The following DENND2B variants were observed in gnomAD, a reference collection of about 807,000 sequenced individuals.
DENND2B encodes DENN domain-containing protein 2B.
DENND2B carries 32 observed loss-of-function variants against 116.0 expected under a neutral mutation model. The observed-to-expected ratio is 0.28, with a 90% CI of 0.21 to 0.37. The LOEUF (loss-of-function observed/expected upper bound fraction) is 0.37. Ranked by LOEUF, DENND2B falls within the 10% of genes least tolerant of loss-of-function variation. The pLI is 1.00. For synonymous variants in DENND2B, 588 were observed against 583.9 expected (o/e 1.01, Z -0.10); for missense variants, 1,276 against 1,477.7 (o/e 0.86, Z 2.24).
intron 2 of DENND2B, among the ~76,000 whole-genome samples, chr11:8,740,258 T>C (rs1260667439): frequency 1.3e-5 from 2 of 150,970 alleles, no homozygotes; most frequent in Non-Finnish European, 2.9e-5. Flanking sequence ...CGCATGCACA[T>C]AGACAGAAAG....
At chr11:8,763,982 G>A (rs1475129283) in intron 1 of DENND2B, among the ~76,000 whole-genome samples, 1 of 152,186 alleles carries the variant, frequency 6.6e-6, no homozygotes, top group Non-Finnish European at 1.5e-5. Context: ...CCAGCACTTT[G>A]GGAGGCCGAG....
At position 8,698,857 on chromosome 11, in the gene DENND2B, T is replaced by C. The variant is rs1160333867; in HGVS notation, c.2940+76A>G. 9 of 1,535,514 alleles carry C rather than the reference T, an allele frequency of 5.9e-6. No individual in the cohort carries two copies. In the Admixed American group the frequency reaches 6.7e-5, roughly 11 times the overall value. On this transcript the variant is annotated intron_variant, in intron 16 of 19. Coordinates refer to ENST00000313726, the MANE Select transcript of DENND2B (RefSeq NM_213618.2). ...CCAGAGAGAGAGCTCAACAAACAGG[T>C]TGTGAAGGTTGAGTAGTGTGTGTGA...
chr11:8,737,037 T>C (rs2049179595), intron 2 of DENND2B, among the ~76,000 whole-genome samples: 1 of 152,198 alleles, frequency 6.6e-6, no homozygotes, highest in South Asian at 2.1e-4. Context: ...GAGACGGATC[T>C]ACTTTGAGGG....
intron 4 of DENND2B, among the ~76,000 whole-genome samples, chr11:8,724,145 A>T (rs1436179438): frequency 1.3e-5 from 2 of 152,078 alleles, no homozygotes; most frequent in South Asian, 2.1e-4. Context: ...AATACAAAAA[A>T]ATTAGCCAGG....
At chr11:8,845,517 C>CAG (rs1285181914) in intron 3 of DENND2B, among the ~76,000 whole-genome samples, 2 of 152,214 alleles carry the variant, frequency 1.3e-5, no homozygotes, top group Non-Finnish European at 2.9e-5. Context: ...AAAGGATTTG[C>CAG]TACTCACAGT....
At chr11:8,812,741 C>G (rs2061435470), upstream of DENND2B, among the ~76,000 whole-genome samples, 1 of 152,172 alleles carries the variant, frequency 6.6e-6, no homozygotes, top group Non-Finnish European at 1.5e-5. Context: ...TGGGACTGAG[C>G]ATCGGAAGAG....
At position 8,878,836 on chromosome 11, in the gene DENND2B, C is replaced by A. The variant is rs372576411; in HGVS notation, c.-156+2174G>T. Among the ~76,000 whole-genome samples, 17 of 152,040 alleles carry A rather than the reference C, an allele frequency of 1.1e-4. No individual in the cohort carries two copies. The East Asian group carries it at 1.2e-3, about 10-fold the overall frequency. On this transcript the variant is annotated intron_variant, in intron 2 of 22. Coordinates refer to the DENND2B transcript ENST00000534127. ...CCAGAAAGTCACATATTGTATGATT[C>A]CATCAATCCACAGAGACAGAAGATA...
chr11:8,719,118 C>A, intron 4 of DENND2B: 1 of 985,528 alleles, frequency 1.0e-6, no homozygotes, highest in Non-Finnish European at 1.2e-6. Flanking sequence ...GGAACTCAGA[C>A]CCCACTCCTC....
chr11:8,704,843 A>G (rs1423364407), intron 13 of DENND2B, among the ~76,000 whole-genome samples: 2 of 151,996 alleles, frequency 1.3e-5, no homozygotes, highest in African/African-American at 2.4e-5. Context: ...GATTACAGGC[A>G]TGCGCCACCA....
intron 4 of DENND2B, among the ~76,000 whole-genome samples, chr11:8,834,454 C>A (rs999814808): frequency 6.6e-6 from 1 of 152,148 alleles, no homozygotes; most frequent in African/African-American, 2.4e-5. Flanking sequence ...TTAAAGAATG[C>A]GATCCTGTCA....
At chr11:8,834,428 C>A (rs1489035637) in intron 4 of DENND2B, among the ~76,000 whole-genome samples, 1 of 152,174 alleles carries the variant, frequency 6.6e-6, no homozygotes, top group Non-Finnish European at 1.5e-5. Context: ...TCCACTAACC[C>A]CACTAAACAG....
rs2042828645 is a variant in DENND2B at position 8,707,588 on chromosome 11, C to T, written c.2430+189G>A. 2.0e-5 allele frequency among the ~76,000 whole-genome samples: 3 copies of T among 152,234 alleles called. No individual in the cohort carries two copies. On this transcript the variant is annotated intron_variant, in intron 12 of 19. Transcript: ENST00000313726. This position sits in a 1 kb window ranked among gnomAD's most constrained non-coding sequence, Gnocchi z 4.8. ...GCCAGCACAGGAGCTGGGGAAATGC[C>T]AGCCAGCTGGGTAGAGAACCAGGCC... is the stretch of plus-strand genomic sequence containing the variant.
intron 1 of DENND2B, chr11:8,809,557 C>A (rs971036818): frequency 2.6e-5 from 4 of 152,262 alleles, no homozygotes; most frequent in Admixed American, 2.0e-4. Context: ...AACCCCACTA[C>A]CCTATCACCT....
At chr11:8,709,180 C>T (rs967219989) in intron 11 of DENND2B, among the ~76,000 whole-genome samples, 28 of 152,190 alleles carry the variant, frequency 1.8e-4, no homozygotes, top group African/African-American at 6.0e-4. Flanking sequence ...GCTGGCCACA[C>T]GTCACAGATC....
intron 1 of DENND2B, among the ~76,000 whole-genome samples, chr11:8,886,731 A>G (rs2063965101): frequency 6.6e-6 from 1 of 152,066 alleles, no homozygotes; most frequent in Non-Finnish European, 1.5e-5. Context: ...TCACGGCTCA[A>G]CAAACATGTA....
At chr11:8,751,945 C>G (rs1314550587) in intron 1 of DENND2B, among the ~76,000 whole-genome samples, 1 of 152,160 alleles carries the variant, frequency 6.6e-6, no homozygotes, top group Non-Finnish European at 1.5e-5. Context: ...TCATTCTAAA[C>G]AATAAACTAT....
In DENND2B at chr11:8,693,437, C is replaced by G. The variant is rs1036676797; in HGVS notation, c.*659G>C. On this transcript the variant is annotated 3_prime_UTR_variant, in exon 20 of 20. Transcript: ENST00000313726. Reference sequence around the variant, plus strand: ...GCCCTGTACCGCATCGTGGCCACCACTGACTGGGAGCCAGGCCCAGAGAGC... The same window carrying G: ...GCCCTGTACCGCATCGTGGCCACCAGTGACTGGGAGCCAGGCCCAGAGAGC... The G allele has an allele frequency of 2.0e-5, 3 of 152,760 alleles. No homozygotes were observed. Among genetic ancestry groups the G allele is most frequent in the Admixed American group, 1.3e-4 (2 of 15,286 alleles). The allele number at this position is 152,760 out of a possible 1,614,324, so 9.5% of individuals were successfully genotyped here. A position where few individuals can be genotyped will look rare whatever the true frequency, so the allele number is the denominator to read the frequency against.
intron 1 of DENND2B, among the ~76,000 whole-genome samples, chr11:8,905,970 C>T (rs977136260): frequency 1.3e-5 from 2 of 150,952 alleles, no homozygotes; most frequent in Admixed American, 6.6e-5. Context: ...CCAGAAAAGG[C>T]GAATTCATAA....
At chr11:8,824,130 C>A (rs1168467896) in intron 4 of DENND2B, among the ~76,000 whole-genome samples, 3 of 151,928 alleles carry the variant, frequency 2.0e-5, no homozygotes, top group African/African-American at 4.8e-5. Context: ...TCTCGATCTC[C>A]TGACCTTGTG....
Sources: allele counts gnomAD v4.1 joint callset (sites outside exome capture counted in the v4.1 genomes callset), GRCh38; gene constraint gnomAD v4.1.1; non-coding constraint Gnocchi (gnomAD v3.1); transcripts MANE v1.5; gene names NCBI Gene and HGNC (gene_info 2026-07-23, HGNC 2026-07-21).